SLC45A2: variants seen among roughly 807,000 people sequenced by gnomAD.
SLC45A2 encodes the protein solute carrier family 45 member 2.
In SLC45A2, 36 loss-of-function variants were observed where a neutral mutation model predicts 45.5. The ratio of observed to expected loss-of-function variants is 0.79; its 90% CI spans 0.61 to 1.04. SLC45A2 has a LOEUF of 1.04. SLC45A2 is among the 50% of genes least tolerant of loss of function. SLC45A2 has a pLI of 0.00. For missense variants in SLC45A2, 719 were observed against 671.0 expected (o/e 1.07, Z -0.79); for synonymous variants, 306 against 269.3 (o/e 1.14, Z -1.33).
At chr5:33,971,931 A>G (rs1454634297) in intron 2 of SLC45A2, 2 of 385,574 alleles carry the variant, frequency 5.2e-6, no homozygotes, top group African/African-American at 4.2e-5. Context: ...CCAGTTACCC[A>G]GCTAATTTTT....
intron 5 of SLC45A2, 76 bp from the exon 6 acceptor site, chr5:33,947,450 T>A: frequency 7.5e-7 from 1 of 1,337,022 alleles, no homozygotes; most frequent in South Asian, 1.2e-5. Context: ...AATCCTTTCT[T>A]CTGAAGATTC....
intron 2 of SLC45A2, among the ~76,000 whole-genome samples, chr5:33,969,689 A>T (rs1018462588): frequency 6.6e-6 from 1 of 152,214 alleles, no homozygotes; most frequent in Admixed American, 6.5e-5. Flanking sequence ...TGATGGGTGC[A>T]CACATATTGG....
chr5:33,951,318 A>C (rs1336761484), intron 5 of SLC45A2: 1 of 1,132,920 alleles, frequency 8.8e-7, no homozygotes, highest in Non-Finnish European at 1.2e-6. Context: ...AAACTTGATC[A>C]GGAACCCACT....
chr5:33,980,565 G>T lies in SLC45A2; in HGVS notation c.562+1671C>A, dbSNP rs558935150. Among the ~76,000 whole-genome samples, 18 of 152,318 alleles carry T rather than the reference G, an allele frequency of 1.2e-4. No homozygotes were observed. The South Asian group carries it at 3.5e-3, about 30-fold the overall frequency. ...TTATTATCATACATGGGGTATTTGAGAAATGTTTGTTCAGTATTTACTGAG... is the reference window on the plus strand; with the variant it reads ...TTATTATCATACATGGGGTATTTGATAAATGTTTGTTCAGTATTTACTGAG... On this transcript the variant is annotated intron_variant, in intron 2 of 6. Transcript: ENST00000296589.
chr5:33,948,201 G>A (rs914043200), intron 5 of SLC45A2, among the ~76,000 whole-genome samples: 4 of 152,224 alleles, frequency 2.6e-5, no homozygotes, highest in African/African-American at 9.6e-5. Flanking sequence ...GCTGGAGACA[G>A]TTGACTTTTA....
intron 2 of SLC45A2, chr5:33,971,526 T>A (rs1213152691): frequency 3.8e-6 from 1 of 261,812 alleles, no homozygotes; most frequent in Non-Finnish European, 7.4e-6. Context: ...GCAACCTCCA[T>A]CTCCCAGGCT....
In SLC45A2 at chr5:33,951,692, G is replaced by A; in HGVS notation, c.1033-15C>T. On this transcript the variant is annotated splice_polypyrimidine_tract_variant and intron_variant, in intron 4 of 6. Transcript: ENST00000296589. ...CGGTACACAATCTGAAAGAGAGATT[G>A]GAGGCTGTTGAGGTACAAATGCAAT... is the stretch of plus-strand genomic sequence containing the variant. 6.2e-7 allele frequency: 1 copy of A among 1,614,120 alleles called. No homozygotes were observed. Among genetic ancestry groups the A allele is most frequent in the Non-Finnish European group, 8.5e-7 (1 of 1,179,996 alleles).
intron 4 of SLC45A2, 106 bp downstream of exon 4, chr5:33,954,255 C>T: frequency 2.0e-6 from 3 of 1,505,850 alleles, no homozygotes; most frequent in Non-Finnish European, 2.7e-6. Flanking sequence ...CCCTTTCCTA[C>T]ATTCTTACTG....
At chr5:33,945,937 T>C (rs1228627088) in intron 6 of SLC45A2, 1 of 982,806 alleles carries the variant, frequency 1.0e-6, no homozygotes, top group Non-Finnish European at 1.2e-6. Flanking sequence ...TGGTAACACG[T>C]TGGGGCTGGA....
intron 5 of SLC45A2, among the ~76,000 whole-genome samples, chr5:33,951,020 A>G (rs558861144): frequency 4.6e-5 from 7 of 152,170 alleles, no homozygotes; most frequent in Admixed American, 4.6e-4. Flanking sequence ...AGGTAAGTGG[A>G]GGTTAAGAGG....
At chr5:33,951,396 A>T in intron 5 of SLC45A2, 158 bp downstream of exon 5, 1 of 1,559,544 alleles carries the variant, frequency 6.4e-7, no homozygotes, top group South Asian at 1.2e-5. Context: ...AGGATGCTTT[A>T]TATGGTCCTT....
intron 6 of SLC45A2, 124 bp downstream of exon 6, chr5:33,947,039 T>C: frequency 6.2e-7 from 1 of 1,606,728 alleles, no homozygotes; most frequent in Non-Finnish European, 8.5e-7. Context: ...TGGTTGGGCA[T>C]TTGACTGTTG....
intron 5 of SLC45A2, chr5:33,951,257 C>T: frequency 1.7e-6 from 1 of 577,178 alleles, no homozygotes; most frequent in Non-Finnish European, 2.8e-6. Context: ...CCTGCTGGGA[C>T]TCATCCATCC....
rs1390123552 is a variant in SLC45A2, at chr5:33,963,725, A to G, written c.854T>C (p.Met285Thr). The change falls in exon 3 of 7, where the codon ATG (methionine) becomes ACG (threonine). Residue 285 changes from methionine (M) to threonine (T), a missense_variant. Coordinates refer to ENST00000296589, the MANE Select transcript of SLC45A2 (RefSeq NM_016180.5). ...ATGATTTTTGTTTTTTGCTCCCTGC[A>G]TTGCCAGCTCTGGATTTACGTAACC... is the stretch of plus-strand genomic sequence containing the variant. ...KNGYVNPELA[M>T]QGAKNKNHAE... is the part of the protein sequence containing the mutation. The G allele has an allele frequency of 6.2e-7, 1 of 1,613,980 alleles. No homozygotes were observed. The highest frequency in any genetic ancestry group is 8.5e-7 in the Non-Finnish European group (1 of 1,180,010).
intron 6 of SLC45A2, chr5:33,946,222 C>T (rs1173315652): frequency 3.0e-6 from 3 of 985,326 alleles, no homozygotes; most frequent in East Asian, 1.1e-4. Context: ...AGCAACATCC[C>T]ACCTTGGTGA....
chr5:33,946,556 C>T, intron 6 of SLC45A2: 1 of 990,480 alleles, frequency 1.0e-6, no homozygotes, highest in Non-Finnish European at 1.2e-6. Context: ...GGCGCTTGTT[C>T]ACTAGTTGCG....
At chr5:33,969,106 G>A (rs1022797148) in intron 2 of SLC45A2, among the ~76,000 whole-genome samples, 1 of 96,066 alleles carries the variant, frequency 1.0e-5, no homozygotes, top group African/African-American at 3.4e-5. Context: ...TGGTGTCCTT[G>A]ACCCATTTGT....
rs35585160 is a variant in SLC45A2, at chr5:33,952,692, A to AT, written c.1033-1016dup. On this transcript the variant is annotated intron_variant, in intron 4 of 6. Coordinates refer to ENST00000296589, the MANE Select transcript of SLC45A2 (RefSeq NM_016180.5). Reference sequence around the variant, plus strand: ...AGCAAAAGTTTTTTTTTTTTTTTTAATTTTTTTTTTTTTATTATACTCTAA... The same window carrying AT: ...AGCAAAAGTTTTTTTTTTTTTTTTAATTTTTTTTTTTTTTATTATACTCTAA... 8.1e-3 allele frequency among the ~76,000 whole-genome samples: 999 copies of AT among 123,840 alleles called. 11 individuals are homozygous for AT. Among genetic ancestry groups the AT allele is most frequent in the African/African-American group, 0.027 (934 of 34,618 alleles). The allele number at this position is 123,840 out of a possible 152,430, so 81.2% of individuals were successfully genotyped here.
chr5:33,960,157 TC>T (rs1752407231), intron 3 of SLC45A2, among the ~76,000 whole-genome samples: 1 of 152,126 alleles, frequency 6.6e-6, no homozygotes, highest in Non-Finnish European at 1.5e-5. Context: ...CTTTCAGGAA[TC>T]TCCACACTGT....
Sources: allele counts gnomAD v4.1 joint callset (sites outside exome capture counted in the v4.1 genomes callset), GRCh38; gene constraint gnomAD v4.1.1; transcripts MANE v1.5; gene names NCBI Gene and HGNC (gene_info 2026-07-23, HGNC 2026-07-21).